LRRTM4: variants seen among roughly 807,000 people sequenced by gnomAD.
LRRTM4 encodes the protein leucine-rich repeat transmembrane neuronal protein 4.
A neutral mutation model predicts 47.6 loss-of-function variants in LRRTM4; 25 were observed. That is an observed-to-expected ratio of 0.53 (90% CI 0.38 to 0.73). The LOEUF is 0.73. LRRTM4 is among the 30% of genes least tolerant of loss of function. The probability of loss-of-function intolerance (pLI) is 0.00; values close to 1 mark genes in which losing one functional copy is unlikely to be tolerated. For missense variants in LRRTM4, 638 were observed against 713.4 expected, an observed-to-expected ratio of 0.89 and a Z score of 1.20; for synonymous variants, 311 against 269.5, an observed-to-expected ratio of 1.15 and a Z score of -1.51.
chr2:77,198,589 G>A (rs1050416003), intron 3 of LRRTM4, among the ~76,000 whole-genome samples: 1 of 152,144 alleles, frequency 6.6e-6, no homozygotes, highest in Non-Finnish European at 1.5e-5. Flanking sequence ...AGGAATGAAA[G>A]TTTAGAGAGC....
At chr2:77,373,002 A>G (rs1296248464) in intron 3 of LRRTM4, among the ~76,000 whole-genome samples, 1 of 150,472 alleles carries the variant, frequency 6.6e-6, no homozygotes, top group African/African-American at 2.4e-5. Flanking sequence ...CAGATTTAGG[A>G]TACTCTGGGC....
chr2:77,008,061 A>G (rs1677724683), intron 3 of LRRTM4, among the ~76,000 whole-genome samples: 1 of 152,228 alleles, frequency 6.6e-6, no homozygotes, highest in African/African-American at 2.4e-5. Context: ...CACCAAAGTG[A>G]ACAACTGTAG....
At chr2:76,815,713 C>A (rs2103839442) in intron 3 of LRRTM4, among the ~76,000 whole-genome samples, 1 of 151,984 alleles carries the variant, frequency 6.6e-6, no homozygotes, top group East Asian at 1.9e-4. Context: ...TGAAGGCAAG[C>A]ATTAAACGTA....
chr2:77,152,518 C>T (rs1419728161), intron 3 of LRRTM4, among the ~76,000 whole-genome samples: 2 of 151,894 alleles, frequency 1.3e-5, no homozygotes, highest in African/African-American at 2.4e-5. Context: ...TTAGTACAGA[C>T]GGGGTTTCAC....
At chr2:76,756,037 C>T (rs184174788) in intron 3 of LRRTM4, among the ~76,000 whole-genome samples, 2 of 152,044 alleles carry the variant, frequency 1.3e-5, no homozygotes, top group African/African-American at 2.4e-5. Flanking sequence ...CAATAAGATA[C>T]CAAATTATAG....
At chr2:77,048,846 T>TA in intron 3 of LRRTM4, among the ~76,000 whole-genome samples, 1 of 151,676 alleles carries the variant, frequency 6.6e-6, no homozygotes, top group East Asian at 2.0e-4. Context: ...TATAGTGCTA[T>TA]AGAACACTAG....
intron 3 of LRRTM4, among the ~76,000 whole-genome samples, chr2:76,979,497 CACAG>C (rs776510443): frequency 2.9e-5 from 4 of 139,616 alleles, no homozygotes; most frequent in Non-Finnish European, 6.1e-5. Context: ...TACGTGACAG[CACAG>C]ACAATGCATA....
chr2:76,874,241 A>G (rs1672717752), intron 3 of LRRTM4, among the ~76,000 whole-genome samples: 1 of 151,846 alleles, frequency 6.6e-6, no homozygotes. Flanking sequence ...AGGAAGTCTG[A>G]CTTTGACTCT....
chr2:77,371,838 T>C (rs1222668672), intron 3 of LRRTM4, among the ~76,000 whole-genome samples: 2 of 151,764 alleles, frequency 1.3e-5, no homozygotes, highest in Non-Finnish European at 2.9e-5. Flanking sequence ...TAAATGGTCA[T>C]GTCAAGAACC....
intron 3 of LRRTM4, among the ~76,000 whole-genome samples, chr2:77,052,961 A>C (rs1348498455): frequency 2.0e-5 from 3 of 151,978 alleles, no homozygotes; most frequent in African/African-American, 7.3e-5. Context: ...AAAAGGAGCT[A>C]GGAATCCTAG....
intron 3 of LRRTM4, among the ~76,000 whole-genome samples, chr2:76,998,832 A>G (rs1204585678): frequency 6.8e-6 from 1 of 146,446 alleles, no homozygotes; most frequent in East Asian, 2.0e-4. Context: ...GTCCTGACTT[A>G]TAGCCCCTTT....
rs185354891 is a variant in LRRTM4 at position 77,219,711 on chromosome 2, T to C, written c.1551+298607A>G. On this transcript the variant is annotated intron_variant, in intron 3 of 3. Transcript: ENST00000409884. ...AACCTGAGGATTCCCGCCATTCTTT[T>C]ACGCAGCAGCTGTGCAACTTCAGGG... Among the ~76,000 whole-genome samples the C allele has an allele frequency of 5.4e-3, 816 of 152,326 alleles. 5 individuals are homozygous for C. Among genetic ancestry groups the C allele is most frequent in the Non-Finnish European group, 9.9e-3 (674 of 68,032 alleles).
At chr2:76,967,850 C>G (rs972162662) in intron 3 of LRRTM4, among the ~76,000 whole-genome samples, 1 of 151,310 alleles carries the variant, frequency 6.6e-6, no homozygotes, top group Admixed American at 6.6e-5. Context: ...AATACTCATG[C>G]TATAATATTC....
chr2:77,233,657 G>C (rs1017488797), intron 3 of LRRTM4, among the ~76,000 whole-genome samples: 2 of 152,038 alleles, frequency 1.3e-5, no homozygotes, highest in South Asian at 2.1e-4. Context: ...TAGTTCAATT[G>C]CTTAACAATG....
At chr2:77,511,267 T>G (rs1678976392) in intron 3 of LRRTM4, among the ~76,000 whole-genome samples, 1 of 152,214 alleles carries the variant, frequency 6.6e-6, no homozygotes, top group African/African-American at 2.4e-5. Flanking sequence ...GAACTGTGTT[T>G]ATTAAAAAGC....
chr2:77,454,036 C>G (rs759323636), intron 3 of LRRTM4, among the ~76,000 whole-genome samples: 2 of 152,142 alleles, frequency 1.3e-5, no homozygotes, highest in Non-Finnish European at 2.9e-5. Flanking sequence ...TGTCACCTTA[C>G]TATCTCCTCT....
At chr2:77,473,098 C>A (rs920180976) in intron 3 of LRRTM4, among the ~76,000 whole-genome samples, 7 of 152,032 alleles carry the variant, frequency 4.6e-5, no homozygotes, top group South Asian at 2.1e-4. Context: ...TTATTCCTAT[C>A]ACAGGCTACT....
intron 3 of LRRTM4, among the ~76,000 whole-genome samples, chr2:77,183,627 C>G (rs1303390629): frequency 2.6e-5 from 4 of 152,140 alleles, no homozygotes; most frequent in Non-Finnish European, 5.9e-5. Context: ...AAGATACATG[C>G]ACACGTATGT....
At chr2:76,938,208 G>A (rs919554662) in intron 3 of LRRTM4, among the ~76,000 whole-genome samples, 2 of 151,912 alleles carry the variant, frequency 1.3e-5, no homozygotes, top group Non-Finnish European at 2.9e-5. Context: ...TCCATCTACT[G>A]CCAAGTACAG....
Sources: gnomAD v4.1 joint callset for allele counts (sites outside exome capture counted in the v4.1 genomes callset) on GRCh38, gnomAD v4.1.1 for gene constraint, MANE v1.5 for transcripts, NCBI Gene and HGNC (gene_info 2026-07-23, HGNC 2026-07-21) for gene names.